Variants in BMPR1A observed in about 807,000 individuals in gnomAD.
BMPR1A encodes the protein bone morphogenetic protein receptor type-1A.
In BMPR1A, 7 loss-of-function variants were observed where a neutral mutation model predicts 66.0. The ratio of observed to expected loss-of-function variants is 0.11; its 90% CI spans 0.06 to 0.20. BMPR1A has a LOEUF of 0.20. Among genes scored for constraint, BMPR1A ranks in the 10% least tolerant of loss-of-function variants. BMPR1A has a pLI of 1.00. For missense variants in BMPR1A, 408 were observed against 669.1 expected (o/e 0.61, Z 4.31); for synonymous variants, 200 against 229.7 (o/e 0.87, Z 1.17).
intron 2 of BMPR1A, chr10:86,855,182 G>A: frequency 1.9e-6 from 1 of 528,944 alleles, no homozygotes; most frequent in East Asian, 3.2e-5. Flanking sequence ...GGGATTACAG[G>A]CGTGAGCCAC....
At chr10:86,777,551 C>T (rs1841370697) in intron 1 of BMPR1A, among the ~76,000 whole-genome samples, 2 of 151,790 alleles carry the variant, frequency 1.3e-5, no homozygotes, top group Admixed American at 1.3e-4. Context: ...CACTGTACTC[C>T]AGTGGGTGAC....
At chr10:86,791,457 C>T (rs1841617753) in intron 1 of BMPR1A, among the ~76,000 whole-genome samples, 1 of 151,984 alleles carries the variant, frequency 6.6e-6, no homozygotes, top group African/African-American at 2.4e-5. Flanking sequence ...CGTGATGTCC[C>T]CGCCTCGGCC....
At chr10:86,758,862 A>G (rs1847924636) in intron 1 of BMPR1A, among the ~76,000 whole-genome samples, 1 of 152,222 alleles carries the variant, frequency 6.6e-6, no homozygotes, top group African/African-American at 2.4e-5. Context: ...TGTAAGATTT[A>G]ACATCGACTT....
At chr10:86,761,426 G>C (rs1841056514) in intron 1 of BMPR1A, among the ~76,000 whole-genome samples, 1 of 152,246 alleles carries the variant, frequency 6.6e-6, no homozygotes, top group Non-Finnish European at 1.5e-5. Context: ...AGGAGGACAG[G>C]AGTATGCTAG....
chr10:86,840,446 T>G (rs1564700245), intron 2 of BMPR1A, among the ~76,000 whole-genome samples: 1 of 152,216 alleles, frequency 6.6e-6, no homozygotes, highest in African/African-American at 2.4e-5. Flanking sequence ...CTTATTTAAT[T>G]ACTCCTTGAC....
chr10:86,822,834 T>A (rs2133019882), intron 1 of BMPR1A, among the ~76,000 whole-genome samples: 1 of 152,104 alleles, frequency 6.6e-6, no homozygotes, highest in African/African-American at 2.4e-5. Context: ...TTCACCATGT[T>A]GGCCAGGCTG....
At chr10:86,791,535 G>T (rs1018524514) in intron 1 of BMPR1A, among the ~76,000 whole-genome samples, 12 of 150,930 alleles carry the variant, frequency 8.0e-5, no homozygotes, top group Non-Finnish European at 1.3e-4. Context: ...TGAAACACAC[G>T]CACAGAAAAG....
chr10:86,902,001 G>C (rs968426557), intron 7 of BMPR1A, among the ~76,000 whole-genome samples: 5 of 152,040 alleles, frequency 3.3e-5, no homozygotes, highest in African/African-American at 1.2e-4. Flanking sequence ...TGGGATTACA[G>C]GTATGCACTG....
intron 7 of BMPR1A, among the ~76,000 whole-genome samples, chr10:86,900,741 G>T (rs1843297250): frequency 6.6e-6 from 1 of 152,172 alleles, no homozygotes; most frequent in Non-Finnish European, 1.5e-5. Flanking sequence ...CAACAATGGG[G>T]TACCACAGTT....
At chr10:86,855,892 T>C (rs1342124669) in intron 2 of BMPR1A, 7 of 683,108 alleles carry the variant, frequency 1.0e-5, no homozygotes, top group Non-Finnish European at 1.8e-5. Flanking sequence ...AAGATTCATA[T>C]TGCTTTTCAA....
At chr10:86,899,480 T>C (rs1465443294) in intron 5 of BMPR1A, among the ~76,000 whole-genome samples, 1 of 152,232 alleles carries the variant, frequency 6.6e-6, no homozygotes, top group African/African-American at 2.4e-5. Flanking sequence ...ATCTTAAATC[T>C]CATCCACATC....
At chr10:86,875,167 G>C (rs1842905510) in intron 2 of BMPR1A, among the ~76,000 whole-genome samples, 1 of 151,650 alleles carries the variant, frequency 6.6e-6, no homozygotes, top group South Asian at 2.1e-4. Context: ...GAGGTCAGGA[G>C]TTTGAGACTA....
chr10:86,896,149 G>A (rs558715314), intron 5 of BMPR1A, among the ~76,000 whole-genome samples: 4 of 142,088 alleles, frequency 2.8e-5, no homozygotes, highest in South Asian at 2.3e-4. Flanking sequence ...GCGAGACTCC[G>A]TCTCAAAAAA....
intron 1 of BMPR1A, among the ~76,000 whole-genome samples, chr10:86,780,881 A>G (rs1039418291): frequency 7.3e-6 from 1 of 136,624 alleles, no homozygotes; most frequent in Non-Finnish European, 1.6e-5. Flanking sequence ...GTGTGAAATC[A>G]GTTTTGTTTT....
At chr10:86,898,529 C>T (rs910728351) in intron 5 of BMPR1A, among the ~76,000 whole-genome samples, 2 of 152,138 alleles carry the variant, frequency 1.3e-5, no homozygotes, top group African/African-American at 4.8e-5. Flanking sequence ...TTTGAGCTAC[C>T]TTCGTCATCC....
At chr10:86,803,035 C>CT (rs34119896) in intron 1 of BMPR1A, among the ~76,000 whole-genome samples, 42,981 of 144,282 alleles carry the variant, frequency 0.3, 7,497 homozygotes, top group East Asian at 0.69. Flanking sequence ...GACCCTAAGC[C>CT]TTTTTTTACT....
intron 1 of BMPR1A, among the ~76,000 whole-genome samples, chr10:86,801,481 T>C (rs1841810016): frequency 1.3e-5 from 2 of 152,162 alleles, no homozygotes; most frequent in Admixed American, 1.3e-4. Flanking sequence ...GTTAGCTCTG[T>C]TTGTGTATGG....
chr10:86,826,092 CATAT>C (rs1212155054), intron 1 of BMPR1A, among the ~76,000 whole-genome samples: 1 of 152,002 alleles, frequency 6.6e-6, no homozygotes, highest in Non-Finnish European at 1.5e-5. Context: ...TTTATAAAGA[CATAT>C]ATACTTTTTT....
chr10:86,916,961 C>T (rs1025090962), intron 8 of BMPR1A, among the ~76,000 whole-genome samples, 173 bp from the exon 9 acceptor site: 14 of 151,854 alleles, frequency 9.2e-5, no homozygotes, highest in Non-Finnish European at 1.9e-4. Flanking sequence ...CCACTGCACT[C>T]CATCCTGGGT....
Sources: allele counts gnomAD v4.1 joint callset (sites outside exome capture counted in the v4.1 genomes callset), GRCh38; gene constraint gnomAD v4.1.1; transcripts MANE v1.5; gene names NCBI Gene and HGNC (gene_info 2026-07-23, HGNC 2026-07-21).